The following KCNAB1 variants were observed in gnomAD, a reference collection of about 807,000 sequenced individuals.
The protein encoded by KCNAB1 is potassium voltage-gated channel subfamily A regulatory beta subunit 1.
In KCNAB1, 35 loss-of-function variants were observed where a neutral mutation model predicts 64.6. That is an observed-to-expected ratio of 0.54 (90% confidence interval 0.41 to 0.72). The LOEUF (loss-of-function observed/expected upper bound fraction) is 0.72. KCNAB1 is among the 30% of genes least tolerant of loss of function. The probability of loss-of-function intolerance (pLI) is 0.00; values close to 1 mark genes in which losing one functional copy is unlikely to be tolerated. For synonymous variants in KCNAB1, 177 were observed against 183.8 expected (o/e 0.96, Z 0.30); for missense variants, 401 against 512.9 (o/e 0.78, Z 2.11).
intron 1 of KCNAB1, among the ~76,000 whole-genome samples, chr3:156,155,914 T>C (rs1715684070): frequency 6.6e-6 from 1 of 152,228 alleles, no homozygotes; most frequent in Non-Finnish European, 1.5e-5. Context: ...GAGCTTCCAA[T>C]TGTCCTTTCC....
At chr3:156,510,647 T>C (rs1717145803) in intron 8 of KCNAB1, among the ~76,000 whole-genome samples, 1 of 152,230 alleles carries the variant, frequency 6.6e-6, no homozygotes, top group African/African-American at 2.4e-5. Context: ...TTCCAATGGC[T>C]CCAACCTTGC....
At chr3:156,252,140 G>A (rs1377040730) in intron 1 of KCNAB1, among the ~76,000 whole-genome samples, 3 of 152,196 alleles carry the variant, frequency 2.0e-5, no homozygotes, top group Admixed American at 1.3e-4. Context: ...TCCCCCTGAC[G>A]GAGGGCATCA....
intron 1 of KCNAB1, among the ~76,000 whole-genome samples, chr3:156,299,188 C>T (rs934567827): frequency 6.6e-6 from 1 of 152,210 alleles, no homozygotes; most frequent in African/African-American, 2.4e-5. Context: ...CTTGGGTAGG[C>T]CCCATTTTTC....
At chr3:156,371,803 T>C (rs1332810553) in intron 1 of KCNAB1, among the ~76,000 whole-genome samples, 2 of 152,186 alleles carry the variant, frequency 1.3e-5, no homozygotes, top group Admixed American at 6.5e-5. Flanking sequence ...AGTCTAACTC[T>C]GCATGTAATA....
chr3:156,344,620 T>C (rs1277220376), intron 1 of KCNAB1, among the ~76,000 whole-genome samples: 1 of 152,228 alleles, frequency 6.6e-6, no homozygotes, highest in Non-Finnish European at 1.5e-5. Flanking sequence ...AGATAATAAG[T>C]TCCTAAACCC....
intron 11 of KCNAB1, among the ~76,000 whole-genome samples, chr3:156,518,612 T>C (rs1168815233): frequency 6.6e-6 from 1 of 152,232 alleles, no homozygotes; most frequent in Non-Finnish European, 1.5e-5. Context: ...TGGCTATTGT[T>C]ATACTGATAA....
chr3:156,357,159 G>GCACACA (rs112441885), intron 1 of KCNAB1, among the ~76,000 whole-genome samples: 23 of 147,404 alleles, frequency 1.6e-4, no homozygotes, highest in Non-Finnish European at 2.4e-4. Context: ...ACATGTGCGC[G>GCACACA]CACACACACA....
At chr3:156,182,004 A>G (rs4271877) in intron 1 of KCNAB1, among the ~76,000 whole-genome samples, 88,896 of 152,038 alleles carry the variant, frequency 0.58, 26,791 homozygotes, top group East Asian at 0.9. Context: ...TGTTAAACTA[A>G]TTGTATTTGG....
intron 8 of KCNAB1, among the ~76,000 whole-genome samples, chr3:156,489,640 T>C (rs1315979864): frequency 1.3e-5 from 2 of 152,084 alleles, no homozygotes; most frequent in Non-Finnish European, 2.9e-5. Context: ...TTCTACCCTT[T>C]CCTTTTAAAA....
intron 1 of KCNAB1, among the ~76,000 whole-genome samples, chr3:156,166,554 C>G (rs73162710): frequency 3.3e-5 from 5 of 151,666 alleles, no homozygotes; most frequent in Non-Finnish European, 5.9e-5. Context: ...CACACACACA[C>G]AGATAGGCAA....
At chr3:156,119,239 T>C (rs762485087), upstream of KCNAB1, among the ~76,000 whole-genome samples, 17 of 152,082 alleles carry the variant, frequency 1.1e-4, no homozygotes, top group Non-Finnish European at 1.9e-4. Flanking sequence ...GGGCAAGGCG[T>C]ACATTAAAGG....
intron 1 of KCNAB1, among the ~76,000 whole-genome samples, chr3:156,287,677 C>T (rs542726168): frequency 8.6e-5 from 13 of 151,694 alleles, no homozygotes; most frequent in East Asian, 7.8e-4. Flanking sequence ...AAATACAAGG[C>T]GTGATGGTAT....
intron 1 of KCNAB1, among the ~76,000 whole-genome samples, chr3:156,349,714 G>A (rs1336861256): frequency 2.0e-5 from 3 of 152,010 alleles, no homozygotes; most frequent in African/African-American, 7.2e-5. Flanking sequence ...GCAAGTGCCA[G>A]TAAACCCAGC....
intron 1 of KCNAB1, among the ~76,000 whole-genome samples, chr3:156,365,195 G>C (rs1486125842): frequency 6.6e-6 from 1 of 152,206 alleles, no homozygotes; most frequent in African/African-American, 2.4e-5. Flanking sequence ...TACTCACTGT[G>C]TAACCCCAGT....
intron 1 of KCNAB1, among the ~76,000 whole-genome samples, chr3:156,223,469 C>T (rs1219849818): frequency 1.3e-5 from 2 of 152,074 alleles, no homozygotes; most frequent in Non-Finnish European, 2.9e-5. Flanking sequence ...TTTACAATCC[C>T]TGAGCTAGAC....
At chr3:156,224,195 G>A (rs1017500018) in intron 1 of KCNAB1, among the ~76,000 whole-genome samples, 7 of 152,370 alleles carry the variant, frequency 4.6e-5, no homozygotes, top group East Asian at 1.9e-4. Context: ...TGGGGTCAGC[G>A]GGGCCAGCCA....
In KCNAB1 at chr3:156,280,872, G is replaced by C. The variant is rs1013593757; in HGVS notation, c.276-140744G>C. 1.0e-3 allele frequency among the ~76,000 whole-genome samples: 151 copies of C among 149,260 alleles called. 4 individuals carry two copies. The East Asian group carries it at 0.027, about 26-fold the overall frequency. On this transcript the variant is annotated intron_variant, in intron 1 of 13. Coordinates refer to ENST00000490337, the MANE Select transcript of KCNAB1 (RefSeq NM_172160.3). The stretch of plus-strand genomic sequence containing the variant: ...GCTTAAGGAGATTTTGGGCTGAGAC[G>C]ATGGGGTTTTCTAGATAAACAATCA...
intron 1 of KCNAB1, among the ~76,000 whole-genome samples, chr3:156,284,217 T>G (rs1320617547): frequency 6.6e-6 from 1 of 152,140 alleles, no homozygotes; most frequent in Non-Finnish European, 1.5e-5. Flanking sequence ...TCTGTTGGAG[T>G]ACCCTGCCGT....
At chr3:156,392,120 A>G (rs1250555098) in intron 1 of KCNAB1, among the ~76,000 whole-genome samples, 1 of 151,884 alleles carries the variant, frequency 6.6e-6, no homozygotes, top group Non-Finnish European at 1.5e-5. Context: ...CCATTCTCCT[A>G]CCCCTACTCC....
Sources: allele counts gnomAD v4.1 joint callset (sites outside exome capture counted in the v4.1 genomes callset), GRCh38; gene constraint gnomAD v4.1.1; transcripts MANE v1.5; gene names NCBI Gene and HGNC (gene_info 2026-07-23, HGNC 2026-07-21).